Variants in CSMD1 observed in about 807,000 individuals in gnomAD.
CSMD1 encodes the protein CUB and Sushi multiple domains 1.
A neutral mutation model predicts 417.5 loss-of-function variants in CSMD1; 213 were observed. That is an observed-to-expected ratio of 0.51 (90% CI 0.46 to 0.57). The LOEUF is 0.57. CSMD1 is among the 20% of genes least tolerant of loss of function. The pLI is 0.00. For synonymous variants in CSMD1, 2,862 were observed against 1,736.8 expected, an observed-to-expected ratio of 1.65 and a Z score of -16.11; for missense variants, 6,923 against 4,529.7, an observed-to-expected ratio of 1.53 and a Z score of -15.17.
At chr8:3,880,223 G>A (rs1251111386) in intron 5 of CSMD1, among the ~76,000 whole-genome samples, 2 of 152,102 alleles carry the variant, frequency 1.3e-5, no homozygotes, top group African/African-American at 4.8e-5. Flanking sequence ...AATTTCAGGT[G>A]CAATTCTATA....
intron 1 of CSMD1, among the ~76,000 whole-genome samples, chr8:4,654,294 G>T (rs1804090568): frequency 6.6e-6 from 1 of 152,178 alleles, no homozygotes; most frequent in South Asian, 2.1e-4. Flanking sequence ...GACTTATATG[G>T]AAAGGATATA....
intron 10 of CSMD1, among the ~76,000 whole-genome samples, chr8:3,526,861 T>G (rs1797774375): frequency 6.6e-6 from 1 of 152,192 alleles, no homozygotes; most frequent in Admixed American, 6.5e-5. Flanking sequence ...CAATCATCAT[T>G]TTCTTTGGAG....
At chr8:4,532,594 G>A (rs542749318) in intron 2 of CSMD1, among the ~76,000 whole-genome samples, 1 of 135,594 alleles carries the variant, frequency 7.4e-6, no homozygotes, top group Non-Finnish European at 1.5e-5. Flanking sequence ...AGTCACTCTG[G>A]AAGAGAAATC....
rs1245639527 is a variant in CSMD1 at position 3,493,671 on chromosome 8, G to A, written c.1400C>T (p.Thr467Met). ...FELERGYDTL[T>M]VGDAGKVGDT... The stretch of plus-strand genomic sequence containing the variant: ...TCCCACCTTCCCAGCATCACCAACC[G>A]TCAGGGTGTCATAGCCTCGCTCCAG... Residue 467 changes from threonine (T) to methionine (M), a missense_variant, in exon 11 of 70, where the codon ACG (threonine) becomes ATG (methionine). Physicochemically the swap from Thr to Met is moderately conservative, Grantham distance 81 (BLOSUM62 -1). Transcript: ENST00000635120. The A allele has an allele frequency of 2.2e-5, 36 of 1,612,200 alleles. No individual in the cohort carries two copies. The highest frequency in any genetic ancestry group is 2.8e-5 in the Non-Finnish European group (33 of 1,179,306).
chr8:4,469,365 C>A (rs934785563), intron 2 of CSMD1, among the ~76,000 whole-genome samples: 1 of 152,132 alleles, frequency 6.6e-6, no homozygotes, highest in African/African-American at 2.4e-5. Context: ...TCCACGTGAA[C>A]CAAATCAAGG....
chr8:3,215,794 G>A (rs1797847882), intron 29 of CSMD1, among the ~76,000 whole-genome samples: 1 of 151,596 alleles, frequency 6.6e-6, no homozygotes, highest in Non-Finnish European at 1.5e-5. Flanking sequence ...AATGGGAGAG[G>A]AAAAAGCAAA....
At chr8:3,822,956 T>A (rs1336045871) in intron 5 of CSMD1, among the ~76,000 whole-genome samples, 1 of 152,178 alleles carries the variant, frequency 6.6e-6, no homozygotes, top group East Asian at 1.9e-4. Flanking sequence ...TAAGAAAAGT[T>A]GAATCAACTT....
intron 37 of CSMD1, among the ~76,000 whole-genome samples, chr8:3,177,413 A>G (rs1443998992): frequency 6.6e-6 from 1 of 152,210 alleles, no homozygotes; most frequent in African/African-American, 2.4e-5. Flanking sequence ...CTTAGGAAAC[A>G]CAAATCTTAA....
intron 1 of CSMD1, among the ~76,000 whole-genome samples, chr8:4,785,428 G>A (rs533396545): frequency 2.6e-5 from 4 of 152,236 alleles, no homozygotes; most frequent in African/African-American, 9.6e-5. Context: ...CCCCCACAGT[G>A]GGTTAGATCA....
chr8:3,698,467 G>A (rs1293289626), intron 7 of CSMD1, among the ~76,000 whole-genome samples: 3 of 152,072 alleles, frequency 2.0e-5, no homozygotes, highest in Admixed American at 1.3e-4. Context: ...TTTTCCTACC[G>A]TCAAAATCTG....
At chr8:3,692,758 T>C (rs762784843) in intron 7 of CSMD1, among the ~76,000 whole-genome samples, 146 of 152,232 alleles carry the variant, frequency 9.6e-4, no homozygotes, top group Non-Finnish European at 1.4e-3. Context: ...AATGAACTTT[T>C]CTGAGGCCCA....
intron 4 of CSMD1, among the ~76,000 whole-genome samples, chr8:4,017,230 C>G (rs1796566692): frequency 6.6e-6 from 1 of 152,112 alleles, no homozygotes; most frequent in Non-Finnish European, 1.5e-5. Flanking sequence ...AAATTGTCAG[C>G]ACTATTTTTT....
chr8:3,596,632 G>A lies in CSMD1; in HGVS notation c.1098-10372C>T, dbSNP rs1801107579. Among the ~76,000 whole-genome samples, 3 of 152,064 alleles carry A rather than the reference G, an allele frequency of 2.0e-5. No homozygotes were observed. The South Asian group carries it at 6.2e-4, about 32-fold the overall frequency. Reference sequence around the variant, plus strand: ...TTATATCTACACTTGGCAAAACTTTGCAATTTTTTTTATTTATCCTTCACA... The same window carrying A: ...TTATATCTACACTTGGCAAAACTTTACAATTTTTTTTATTTATCCTTCACA... On this transcript the variant is annotated intron_variant, in intron 8 of 69. Coordinates refer to ENST00000635120, the MANE Select transcript of CSMD1 (RefSeq NM_033225.6).
At chr8:4,035,251 G>A (rs547483070) in intron 3 of CSMD1, among the ~76,000 whole-genome samples, 10 of 152,238 alleles carry the variant, frequency 6.6e-5, no homozygotes, top group Non-Finnish European at 1.3e-4. Context: ...CAAACCACCT[G>A]TGCAGCCAGT....
Position 4,739,957 on chromosome 8 carries a change from C to T in CSMD1, c.86-102399G>A, listed in dbSNP as rs564926610. Among the ~76,000 whole-genome samples, 42 of 152,278 alleles carry T rather than the reference C, an allele frequency of 2.8e-4. No individual in the cohort carries two copies. In the South Asian group the frequency reaches 8.3e-3, roughly 30 times the overall value. The stretch of plus-strand genomic sequence containing the variant: ...AGCAACTTAAGCTCCATAGTCTGAG[C>T]TAGGGAAATAGCTGACTGGCCAGCC... On this transcript the variant is annotated intron_variant, in intron 1 of 69. Transcript: ENST00000635120.
chr8:4,065,265 C>A (rs1250446383), intron 3 of CSMD1, among the ~76,000 whole-genome samples: 1 of 152,202 alleles, frequency 6.6e-6, no homozygotes, highest in Admixed American at 6.5e-5. Flanking sequence ...TCAAGAACCA[C>A]TGACTCTGTT....
At chr8:3,611,720 T>C (rs1035705606) in intron 8 of CSMD1, among the ~76,000 whole-genome samples, 1 of 152,144 alleles carries the variant, frequency 6.6e-6, no homozygotes, top group East Asian at 1.9e-4. Flanking sequence ...TATCAACAAA[T>C]GTATTTTTGT....
intron 1 of CSMD1, among the ~76,000 whole-genome samples, chr8:4,764,882 A>AAACAAAAAAAAAAAAAAAACAAAAC (rs1563326762): frequency 2.1e-5 from 1 of 47,558 alleles, no homozygotes; most frequent in African/African-American, 7.6e-5. Context: ...CAAAAAAAAA[A>AAACAAAAAAAAAAAAAAAACAAAAC]AAAAAAAAAA....
intron 5 of CSMD1, among the ~76,000 whole-genome samples, chr8:3,794,479 T>G (rs957611314): frequency 6.6e-6 from 1 of 152,146 alleles, no homozygotes; most frequent in East Asian, 1.9e-4. Flanking sequence ...AACAAATAGT[T>G]TTTCATAGCT....
Sources: allele counts gnomAD v4.1 joint callset (sites outside exome capture counted in the v4.1 genomes callset), GRCh38; gene constraint gnomAD v4.1.1; transcripts MANE v1.5; gene names NCBI Gene and HGNC (gene_info 2026-07-23, HGNC 2026-07-21).